The following CLIC5 variants were observed in gnomAD, a reference collection of about 807,000 sequenced individuals.
The protein encoded by CLIC5 is chloride intracellular channel protein 5.
CLIC5 carries 20 observed loss-of-function variants against 24.7 expected under a neutral mutation model. The observed-to-expected ratio is 0.81, with a 90% CI of 0.57 to 1.18. The LOEUF is 1.18. Among genes scored for constraint, CLIC5 ranks in the 50% most tolerant of loss-of-function variants. CLIC5 has a pLI of 0.00. For synonymous variants in CLIC5, 159 were observed against 135.6 expected, an observed-to-expected ratio of 1.17 and a Z score of -1.20; for missense variants, 341 against 326.1, an observed-to-expected ratio of 1.05 and a Z score of -0.35.
chr6:46,084,092 T>G (rs1762980845), upstream of CLIC5, among the ~76,000 whole-genome samples: 1 of 152,136 alleles, frequency 6.6e-6, no homozygotes, highest in African/African-American at 2.4e-5. Flanking sequence ...AGACTAGGAT[T>G]GCAACCCCTG....
chr6:45,926,534 G>T (rs1037780537), intron 4 of CLIC5, among the ~76,000 whole-genome samples: 4 of 151,916 alleles, frequency 2.6e-5, no homozygotes, highest in Non-Finnish European at 4.4e-5. Flanking sequence ...GGGATTATAG[G>T]CATGAGCCAC....
intron 1 of CLIC5, among the ~76,000 whole-genome samples, chr6:46,006,000 T>TTA (rs1265097108): frequency 0.023 from 2,414 of 106,082 alleles, 88 homozygotes; most frequent in African/African-American, 0.072. Context: ...ATATATATAT[T>TTA]TATATATATA....
chr6:46,109,451 G>A, the CLIC5 span, among the ~76,000 whole-genome samples: 5 of 149,290 alleles, frequency 3.3e-5, no homozygotes, highest in African/African-American at 5.0e-5. Flanking sequence ...AGGCCGAGGC[G>A]GGTGCATCAT....
chr6:45,936,004 T>C (rs188083973), intron 4 of CLIC5, among the ~76,000 whole-genome samples: 2 of 152,122 alleles, frequency 1.3e-5, no homozygotes, highest in East Asian at 3.9e-4. Flanking sequence ...ATTTCCTCCA[T>C]CCTCCCTGGC....
intron 1 of CLIC5, among the ~76,000 whole-genome samples, chr6:46,067,265 C>T (rs1331705162): frequency 6.6e-6 from 1 of 152,078 alleles, no homozygotes; most frequent in African/African-American, 2.4e-5. Flanking sequence ...AGATAAGAAA[C>T]AAGATTCGTT....
At chr6:46,115,508 CT>C in the CLIC5 span, among the ~76,000 whole-genome samples, 1 of 152,168 alleles carries the variant, frequency 6.6e-6, no homozygotes, top group East Asian at 1.9e-4. Flanking sequence ...CTTTTTTCAG[CT>C]TTTGGGTTTT....
At chr6:46,104,963 T>G in the CLIC5 span, among the ~76,000 whole-genome samples, 4 of 152,178 alleles carry the variant, frequency 2.6e-5, no homozygotes, top group South Asian at 2.1e-4. Flanking sequence ...TGATTCCTGG[T>G]CAGGGAATCA....
chr6:45,962,337 C>T (rs892326723), intron 1 of CLIC5, among the ~76,000 whole-genome samples: 32 of 151,810 alleles, frequency 2.1e-4, no homozygotes, highest in African/African-American at 6.5e-4. Flanking sequence ...GGGGAAGAGC[C>T]GCAGTTCGAG....
At chr6:45,929,835 G>A (rs984548731) in intron 4 of CLIC5, among the ~76,000 whole-genome samples, 1 of 152,194 alleles carries the variant, frequency 6.6e-6, no homozygotes, top group Non-Finnish European at 1.5e-5. Context: ...GCATGCTACA[G>A]GGTAATTAGG....
intron 1 of CLIC5, among the ~76,000 whole-genome samples, chr6:46,009,065 G>A (rs934658439): frequency 3.3e-5 from 5 of 152,020 alleles, no homozygotes; most frequent in Non-Finnish European, 5.9e-5. Context: ...ACCTGGGCAG[G>A]TACAAGTGAA....
chr6:46,030,540 C>T (rs1767468132), intron 1 of CLIC5, among the ~76,000 whole-genome samples: 1 of 152,082 alleles, frequency 6.6e-6, no homozygotes, highest in African/African-American at 2.4e-5. Flanking sequence ...TGCTCAAAAC[C>T]CTTTAGTGGC....
the CLIC5 span, among the ~76,000 whole-genome samples, chr6:46,092,600 G>T: frequency 6.7e-5 from 10 of 149,678 alleles, no homozygotes; most frequent in Admixed American, 2.6e-4. Context: ...CTAAATTCCA[G>T]ATAATCCACA....
At chr6:46,076,003 C>A (rs761741637) in intron 1 of CLIC5, among the ~76,000 whole-genome samples, 4 of 152,250 alleles carry the variant, frequency 2.6e-5, no homozygotes, top group Non-Finnish European at 5.9e-5. Context: ...GCACCCTCAT[C>A]TCTTGCCTGA....
chr6:45,974,149 G>A (rs868035697), intron 1 of CLIC5, among the ~76,000 whole-genome samples: 3 of 151,932 alleles, frequency 2.0e-5, no homozygotes, highest in Non-Finnish European at 4.4e-5. Flanking sequence ...GTGTGAGAGA[G>A]AGGAGAAATA....
the CLIC5 span, among the ~76,000 whole-genome samples, chr6:46,117,674 T>C: frequency 6.6e-6 from 1 of 152,314 alleles, no homozygotes; most frequent in South Asian, 2.1e-4. Flanking sequence ...GGGAAAGCTA[T>C]AGGATGACCA....
intron 6 of CLIC5, among the ~76,000 whole-genome samples, chr6:45,893,398 T>C (rs917001888): frequency 6.6e-6 from 1 of 152,214 alleles, no homozygotes; most frequent in Non-Finnish European, 1.5e-5. Flanking sequence ...CACCATTAAT[T>C]AATCTATGAT....
chr6:45,903,245 T>C lies in CLIC5; in HGVS notation c.599A>G (p.Lys200Arg). 6.3e-7 allele frequency: 1 copy of C among 1,584,120 alleles called. No individual in the cohort carries two copies. Among genetic ancestry groups the C allele is most frequent in the Non-Finnish European group, 8.6e-7 (1 of 1,165,950 alleles). The change falls in exon 6 of 6, where the codon AAG becomes AGG. Residue 200 changes from lysine (K) to arginine (R), a missense_variant. Coordinates refer to ENST00000339561, the MANE Select transcript of CLIC5 (RefSeq NM_016929.5). ...PKLHVVKIVA[K>R]KYRNYDIPAE... ...CGGGATATCATAGTTGCGGTATTTC[T>C]TGGCCACAATCTAAAACAGAGATGG... is the stretch of plus-strand genomic sequence containing the variant.
At chr6:46,016,704 T>A (rs1030158827), upstream of CLIC5, among the ~76,000 whole-genome samples, 2 of 152,172 alleles carry the variant, frequency 1.3e-5, no homozygotes, top group African/African-American at 4.8e-5. Flanking sequence ...AGATGAAGAA[T>A]AAAATGTTAG....
intron 1 of CLIC5, among the ~76,000 whole-genome samples, chr6:45,956,178 C>A (rs1205532894): frequency 6.6e-6 from 1 of 152,142 alleles, no homozygotes; most frequent in Non-Finnish European, 1.5e-5. Context: ...CCCTGAATTT[C>A]ATAAAGAATT....
Sources: allele counts gnomAD v4.1 joint callset (sites outside exome capture counted in the v4.1 genomes callset), GRCh38; gene constraint gnomAD v4.1.1; transcripts MANE v1.5; gene names NCBI Gene and HGNC (gene_info 2026-07-23, HGNC 2026-07-21).